The following SLC2A13 variants were observed in gnomAD, a reference collection of about 807,000 sequenced individuals.
The protein encoded by SLC2A13 is solute carrier family 2 member 13.
SLC2A13 carries 32 observed loss-of-function variants against 64.4 expected under a neutral mutation model. The observed-to-expected ratio is 0.50, with a 90% confidence interval of 0.37 to 0.67. The LOEUF is 0.67. Ranked by LOEUF, SLC2A13 falls within the 30% of genes least tolerant of loss-of-function variation. The probability of loss-of-function intolerance (pLI) is 0.00; values close to 1 mark genes in which losing one functional copy is unlikely to be tolerated. For synonymous variants in SLC2A13, 338 were observed against 327.1 expected (o/e 1.03, Z -0.36); for missense variants, 743 against 829.2 (o/e 0.90, Z 1.28).
chr12:40,003,529 G>A (rs531196417), intron 3 of SLC2A13, among the ~76,000 whole-genome samples: 7 of 152,034 alleles, frequency 4.6e-5, no homozygotes, highest in Non-Finnish European at 1.0e-4. Context: ...ATGCTATATC[G>A]TGGGGTAGCT....
intron 4 of SLC2A13, among the ~76,000 whole-genome samples, chr12:39,922,069 T>C (rs1592285378): frequency 6.6e-6 from 1 of 152,176 alleles, no homozygotes; most frequent in Non-Finnish European, 1.5e-5. Flanking sequence ...ATTTATATTA[T>C]GTATGTCTTA....
At chr12:40,085,868 C>A (rs1938572499) in intron 1 of SLC2A13, among the ~76,000 whole-genome samples, 1 of 152,052 alleles carries the variant, frequency 6.6e-6, no homozygotes, top group African/African-American at 2.4e-5. Context: ...ATTCCTTCTG[C>A]TACTCCCATC....
chr12:39,896,533 T>TATAC (rs1944910871), intron 4 of SLC2A13, among the ~76,000 whole-genome samples: 1 of 141,372 alleles, frequency 7.1e-6, no homozygotes, highest in Admixed American at 7.3e-5. Flanking sequence ...TGTATACATG[T>TATAC]ATGTATGTAT....
chr12:39,958,529 C>T (rs1946356315), intron 3 of SLC2A13, among the ~76,000 whole-genome samples: 2 of 152,150 alleles, frequency 1.3e-5, no homozygotes, highest in African/African-American at 4.8e-5. Context: ...CAGTCTCTAC[C>T]GAATCCAATC....
intron 1 of SLC2A13, among the ~76,000 whole-genome samples, chr12:40,073,380 T>C (rs1938038662): frequency 6.6e-6 from 1 of 152,142 alleles, no homozygotes; most frequent in Admixed American, 6.6e-5. Flanking sequence ...TGCTTAAGTA[T>C]AGACAAGTAT....
chr12:40,038,245 C>T (rs1465660710), intron 2 of SLC2A13, among the ~76,000 whole-genome samples: 1 of 152,132 alleles, frequency 6.6e-6, no homozygotes, highest in Non-Finnish European at 1.5e-5. Context: ...TCTCCTTAGA[C>T]CCATGAATTA....
intron 7 of SLC2A13, among the ~76,000 whole-genome samples, chr12:39,810,535 T>C (rs1044264372): frequency 1.3e-5 from 2 of 152,086 alleles, no homozygotes; most frequent in Non-Finnish European, 2.9e-5. Flanking sequence ...GTGTTAAGAG[T>C]AGACATTCTC....
chr12:40,077,604 C>A (rs970443091), intron 1 of SLC2A13, among the ~76,000 whole-genome samples: 2 of 152,054 alleles, frequency 1.3e-5, no homozygotes, highest in Non-Finnish European at 2.9e-5. Flanking sequence ...GGCTTTTGTT[C>A]TTTTAGCTTA....
chr12:39,917,311 C>CA lies in SLC2A13; in HGVS notation c.1034+33945dup, dbSNP rs1231284561. Among the ~76,000 whole-genome samples, 3 of 152,002 alleles carry CA rather than the reference C, an allele frequency of 2.0e-5. No individual in the cohort carries two copies. The East Asian group carries it at 5.8e-4, about 29-fold the overall frequency. ...ATTTATTCAGAAGAAATGGCATGTGCAAAAGCATGCGGTAGGAAAGAGGGT... is the reference window on the plus strand; with the variant it reads ...ATTTATTCAGAAGAAATGGCATGTGCAAAAAGCATGCGGTAGGAAAGAGGGT... On this transcript the variant is annotated intron_variant, in intron 4 of 9. Transcript: ENST00000280871.
chr12:39,776,951 A>T (rs893311163), intron 7 of SLC2A13, among the ~76,000 whole-genome samples: 1 of 152,098 alleles, frequency 6.6e-6, no homozygotes, highest in Non-Finnish European at 1.5e-5. Context: ...TTCTTTTTCA[A>T]TTTTTTATAG....
chr12:39,897,036 C>A (rs1220137491), intron 4 of SLC2A13, among the ~76,000 whole-genome samples: 1 of 152,078 alleles, frequency 6.6e-6, no homozygotes, highest in Non-Finnish European at 1.5e-5. Flanking sequence ...CAAGTTCTAA[C>A]CCTTAGTTCA....
Position 40,106,022 on chromosome 12 carries a change from C to A in SLC2A13, c.-214G>T. The A allele has an allele frequency of 2.1e-6, 1 of 484,114 alleles. No individual in the cohort carries two copies. The highest frequency in any genetic ancestry group is 3.9e-5 in the East Asian group (1 of 25,892). The allele number at this position is 484,114 out of a possible 1,614,324, so 30.0% of individuals were successfully genotyped here. A position where few individuals can be genotyped will look rare whatever the true frequency, so the allele number is the denominator to read the frequency against. ...GCTCCGACGCTGCGGAGTTGGAGCCCGGCGGGTCTCACTCCACACTCACGC... is the reference window on the plus strand; with the variant it reads ...GCTCCGACGCTGCGGAGTTGGAGCCAGGCGGGTCTCACTCCACACTCACGC... On this transcript the variant is annotated 5_prime_UTR_variant, in exon 1 of 10. Coordinates refer to ENST00000280871, the MANE Select transcript of SLC2A13 (RefSeq NM_052885.4).
intron 3 of SLC2A13, among the ~76,000 whole-genome samples, chr12:40,013,315 A>G (rs1396217792): frequency 6.6e-6 from 1 of 152,210 alleles, no homozygotes; most frequent in East Asian, 1.9e-4. Flanking sequence ...TTTCATGTCT[A>G]AAAATATTAT....
At chr12:39,814,101 TTTTC>T (rs1942270186) in intron 7 of SLC2A13, among the ~76,000 whole-genome samples, 1 of 152,196 alleles carries the variant, frequency 6.6e-6, no homozygotes, top group Admixed American at 6.5e-5. Context: ...GCCCATACTC[TTTTC>T]TTTCTTTGTG....
chr12:39,967,925 T>A (rs1193873670), intron 3 of SLC2A13, among the ~76,000 whole-genome samples: 1 of 152,214 alleles, frequency 6.6e-6, no homozygotes, highest in Non-Finnish European at 1.5e-5. Flanking sequence ...CTAAGCATTG[T>A]ATTTTGACCT....
At chr12:39,818,999 C>T (rs1942415589) in intron 7 of SLC2A13, among the ~76,000 whole-genome samples, 1 of 152,080 alleles carries the variant, frequency 6.6e-6, no homozygotes, top group Non-Finnish European at 1.5e-5. Context: ...GTTAAACGAA[C>T]GAAGATGTTT....
At chr12:39,826,906 A>G (rs1005365945) in intron 7 of SLC2A13, among the ~76,000 whole-genome samples, 3 of 54,062 alleles carry the variant, frequency 5.5e-5, no homozygotes, top group Non-Finnish European at 9.8e-5. Flanking sequence ...TCATTTGTCC[A>G]TCTGTCACAC....
At chr12:39,991,477 C>G (rs1300547575) in intron 3 of SLC2A13, among the ~76,000 whole-genome samples, 2 of 152,160 alleles carry the variant, frequency 1.3e-5, no homozygotes, top group Admixed American at 1.3e-4. Context: ...GCATGTCTAG[C>G]TAGGCAATGG....
At chr12:39,804,816 T>C (rs955881452) in intron 7 of SLC2A13, among the ~76,000 whole-genome samples, 15 of 152,102 alleles carry the variant, frequency 9.9e-5, no homozygotes, top group African/African-American at 3.6e-4. Context: ...TAAATATAGA[T>C]GGAGAATTAT....
Sources: allele counts gnomAD v4.1 joint callset (sites outside exome capture counted in the v4.1 genomes callset), GRCh38; gene constraint gnomAD v4.1.1; transcripts MANE v1.5; gene names NCBI Gene and HGNC (gene_info 2026-07-23, HGNC 2026-07-21).